MYO18B: variants seen among roughly 807,000 people sequenced by gnomAD.
MYO18B encodes myosin XVIIIB.
Under a neutral mutation model 273.0 loss-of-function variants are expected in MYO18B, and 204 were observed. The observed-to-expected ratio is 0.75, with a 90% CI of 0.67 to 0.84. The LOEUF (loss-of-function observed/expected upper bound fraction) is 0.84, where lower values mean the gene tolerates loss of function less well. Ranked by LOEUF, MYO18B falls within the 40% of genes least tolerant of loss-of-function variation. MYO18B has a pLI of 0.00. For missense variants in MYO18B, 3,212 were observed against 3,287.6 expected (o/e 0.98, Z 0.56); for synonymous variants, 1,330 against 1,305.7 (o/e 1.02, Z -0.40).
At chr22:25,781,292 T>A (rs887563532) in intron 9 of MYO18B, among the ~76,000 whole-genome samples, 3 of 152,106 alleles carry the variant, frequency 2.0e-5, no homozygotes, top group African/African-American at 7.2e-5. Context: ...CAAAATTAAT[T>A]TGGACCTGAG....
At chr22:25,865,893 T>A (rs2090871879) in intron 21 of MYO18B, among the ~76,000 whole-genome samples, 1 of 152,198 alleles carries the variant, frequency 6.6e-6, no homozygotes, top group Non-Finnish European at 1.5e-5. Context: ...AAAGGCATTA[T>A]ATTTTGGATA....
intron 12 of MYO18B, among the ~76,000 whole-genome samples, chr22:25,816,793 T>C (rs948034754): frequency 3.3e-5 from 5 of 152,216 alleles, no homozygotes; most frequent in African/African-American, 1.2e-4. Context: ...GCAGTCTGTC[T>C]CCAGAACATT....
intron 28 of MYO18B, chr22:25,896,909 G>A (rs1358721274): frequency 6.6e-6 from 1 of 152,060 alleles, no homozygotes; most frequent in Non-Finnish European, 1.5e-5. Context: ...CTTTCAAGTC[G>A]GTACCAGCTG....
chr22:25,921,490 T>G, intron 34 of MYO18B, 81 bp downstream of exon 34: 2 of 1,490,908 alleles, frequency 1.3e-6, no homozygotes, highest in Non-Finnish European at 1.8e-6. Flanking sequence ...CTCCCAGGTA[T>G]GAGCGGAACC....
Position 25,781,844 on chromosome 22 carries a change from TG to T in MYO18B, c.2312+14del. On this transcript the variant is annotated intron_variant, in intron 10 of 43. Coordinates refer to ENST00000335473, the MANE Select transcript of MYO18B (RefSeq NM_032608.7). ...TGGACTTGGATCTCAGGTGAGCACT[TG>T]GGGCAGGAAGAGACAGCTGAGGGCA... 1.3e-6 allele frequency: 2 copies of T among 1,535,014 alleles called. No individual in the cohort carries two copies. The highest frequency in any genetic ancestry group is 2.1e-5 in the Admixed American group (1 of 46,820).
At chr22:25,757,600 C>G (rs2086165961) in intron 1 of MYO18B, among the ~76,000 whole-genome samples, 2 of 150,046 alleles carry the variant, frequency 1.3e-5, no homozygotes, top group South Asian at 2.1e-4. Flanking sequence ...AAAAAAAAAG[C>G]CAACAAAAAA....
rs758252317 is a variant in MYO18B at position 25,835,355 on chromosome 22, T to G, written c.3120T>G (p.Asp1040Glu). 2.5e-5 allele frequency: 40 copies of G among 1,613,882 alleles called. No homozygotes were observed. The highest frequency in any genetic ancestry group is 3.2e-5 in the Non-Finnish European group (38 of 1,179,866). Reference protein sequence around the residue: ...QDARGLFWVLDEEVHVEGSSD... With the variant: ...QDARGLFWVLEEEVHVEGSSD... The stretch of plus-strand genomic sequence containing the variant: ...CCAGAGGCCTTTTCTGGGTCTTAGA[T>G]GAGGAAGTCCATGTAGAGGGCTCCA... Residue 1040 changes from aspartate to glutamate, a missense_variant, in exon 17 of 44, where the codon GAT (aspartate) becomes GAG (glutamate). Asp to Glu is a conservative substitution (Grantham distance 45). Coordinates refer to ENST00000335473, the MANE Select transcript of MYO18B (RefSeq NM_032608.7).
chr22:25,921,381 A>G lies in MYO18B; in HGVS notation c.5489A>G (p.Lys1830Arg). Residue 1830 changes from lysine to arginine, a missense_variant, in exon 34 of 44, where the codon AAG becomes AGG. Transcript: ENST00000335473. ...GAGGATGGCAAGACATCAGTCAGCA[A>G]GGAGGAGCTGGAGAAAGTGCACAGC... ...TMEDGKTSVS[K>R]EELEKVHSQL... The G allele has an allele frequency of 6.2e-7, 1 of 1,600,498 alleles. No homozygotes were observed. Among genetic ancestry groups the G allele is most frequent in the Non-Finnish European group, 8.5e-7 (1 of 1,173,690 alleles).
intron 24 of MYO18B, among the ~76,000 whole-genome samples, 158 bp from the exon 25 acceptor site, chr22:25,877,801 A>G (rs969571141): frequency 3.9e-5 from 6 of 152,300 alleles, no homozygotes; most frequent in Non-Finnish European, 7.3e-5. Context: ...TTTGAAATAT[A>G]CAGTGCACCA....
intron 11 of MYO18B, among the ~76,000 whole-genome samples, chr22:25,795,692 T>C (rs912490599): frequency 2.6e-5 from 4 of 152,242 alleles, no homozygotes; most frequent in Non-Finnish European, 4.4e-5. Flanking sequence ...GATTTTGTGA[T>C]CCTGTGGCGG....
chr22:25,806,661 A>G (rs2088493628), intron 12 of MYO18B, among the ~76,000 whole-genome samples: 1 of 152,220 alleles, frequency 6.6e-6, no homozygotes, highest in East Asian at 1.9e-4. Context: ...ATTAGACAAC[A>G]ATTCATCCAA....
intron 41 of MYO18B, 52 bp from the exon 42 acceptor site, chr22:26,004,666 G>A: frequency 6.2e-7 from 1 of 1,601,196 alleles, no homozygotes. Flanking sequence ...TCTAATTATT[G>A]CTGTTACTGT....
chr22:25,925,902 CAAA>C (rs34754921), intron 34 of MYO18B, among the ~76,000 whole-genome samples: 4 of 65,760 alleles, frequency 6.1e-5, no homozygotes, highest in Admixed American at 2.0e-4. Flanking sequence ...AAGACTCTGT[CAAA>C]AAAAAAAAAA....
chr22:25,755,266 G>T (rs921906099), intron 1 of MYO18B, among the ~76,000 whole-genome samples: 29 of 152,184 alleles, frequency 1.9e-4, no homozygotes, highest in Non-Finnish European at 1.2e-4. Context: ...GAGTGCAATG[G>T]CTCGATCTCG....
At chr22:25,790,014 G>C (rs1056763366) in intron 11 of MYO18B, among the ~76,000 whole-genome samples, 1 of 152,122 alleles carries the variant, frequency 6.6e-6, no homozygotes, top group African/African-American at 2.4e-5. Flanking sequence ...TTAGCCGGAC[G>C]TGGTGGCGGG....
downstream of MYO18B, among the ~76,000 whole-genome samples, chr22:26,033,614 A>T (rs1207694133): frequency 6.6e-6 from 1 of 152,198 alleles, no homozygotes; most frequent in Non-Finnish European, 1.5e-5. Flanking sequence ...AAGTCAATTC[A>T]ACATGCTACA....
intron 12 of MYO18B, among the ~76,000 whole-genome samples, chr22:25,813,139 T>C (rs2088837511): frequency 7.1e-6 from 1 of 141,722 alleles, no homozygotes. Context: ...CTCTCCCTCC[T>C]CCTCCTCCTT....
At chr22:26,038,222 T>C in the MYO18B span, among the ~76,000 whole-genome samples, 1 of 152,318 alleles carries the variant, frequency 6.6e-6, no homozygotes, top group Admixed American at 6.5e-5. Context: ...TAAAGAATCC[T>C]GACAGCACCT....
chr22:26,054,591 A>T, the MYO18B span, among the ~76,000 whole-genome samples: 4 of 152,216 alleles, frequency 2.6e-5, no homozygotes, highest in Non-Finnish European at 1.5e-5. Context: ...TTTCAAAGCA[A>T]CAAGGACACT....
Sources: gnomAD v4.1 joint callset for allele counts (sites outside exome capture counted in the v4.1 genomes callset) on GRCh38, gnomAD v4.1.1 for gene constraint, MANE v1.5 for transcripts, NCBI Gene and HGNC (gene_info 2026-07-23, HGNC 2026-07-21) for gene names.